NELL1: variants seen among roughly 807,000 people sequenced by gnomAD.
NELL1 encodes the protein neural EGFL like 1, also known as protein kinase C-binding protein NELL1.
A neutral mutation model predicts 107.4 loss-of-function variants in NELL1; 76 were observed. The observed-to-expected ratio is 0.71, with a 90% CI of 0.59 to 0.86. The LOEUF is 0.86. NELL1 is among the 40% of genes least tolerant of loss of function. The probability of loss-of-function intolerance (pLI) is 0.00; values close to 1 mark genes in which losing one functional copy is unlikely to be tolerated. For missense variants in NELL1, 1,024 were observed against 1,005.5 expected (o/e 1.02, Z -0.25); for synonymous variants, 353 against 341.2 (o/e 1.03, Z -0.38).
At chr11:21,399,086 T>C (rs1296087140) in intron 15 of NELL1, among the ~76,000 whole-genome samples, 2 of 151,844 alleles carry the variant, frequency 1.3e-5, no homozygotes, top group African/African-American at 4.8e-5. Flanking sequence ...TGTAACCCAC[T>C]GTATCTCCAA....
intron 14 of NELL1, among the ~76,000 whole-genome samples, chr11:21,354,106 A>T (rs1435147600): frequency 6.6e-6 from 1 of 152,210 alleles, no homozygotes; most frequent in Non-Finnish European, 1.5e-5. Flanking sequence ...GATAAGTCTT[A>T]CCGCAGTTTC....
In NELL1 at chr11:20,925,819, G is replaced by A. The variant is rs189092891; in HGVS notation, c.760-1489G>A. 1.8e-3 allele frequency among the ~76,000 whole-genome samples: 268 copies of A among 152,260 alleles called. 2 individuals carry two copies. The highest frequency in any genetic ancestry group is 6.2e-3 in the African/African-American group (259 of 41,550). ...GAAATTCCAAAAGCTTGGAGGAAGA[G>A]GATGAAATAAATGACAAAAACAAAG... On this transcript the variant is annotated intron_variant, in intron 7 of 19. Coordinates refer to ENST00000357134, the MANE Select transcript of NELL1 (RefSeq NM_006157.5).
chr11:20,997,251 C>T (rs1381036307), intron 12 of NELL1, among the ~76,000 whole-genome samples: 1 of 152,112 alleles, frequency 6.6e-6, no homozygotes, highest in Non-Finnish European at 1.5e-5. Flanking sequence ...GTTTAAGTTT[C>T]CTATCACCAT....
At chr11:21,420,601 A>T (rs1354086954) in intron 15 of NELL1, among the ~76,000 whole-genome samples, 1 of 152,182 alleles carries the variant, frequency 6.6e-6, no homozygotes, top group African/African-American at 2.4e-5. Flanking sequence ...AGGAACGAAA[A>T]GAGGAAGACG....
chr11:21,459,120 C>T (rs896735657), intron 15 of NELL1, among the ~76,000 whole-genome samples: 5 of 151,858 alleles, frequency 3.3e-5, no homozygotes, highest in Admixed American at 6.6e-5. Flanking sequence ...AGTGGAGCAA[C>T]ATTGGGAAGG....
intron 15 of NELL1, among the ~76,000 whole-genome samples, chr11:21,526,995 C>A (rs1300559464): frequency 2.0e-5 from 3 of 152,154 alleles, no homozygotes; most frequent in African/African-American, 7.2e-5. Flanking sequence ...GAATTTCTTC[C>A]CAGAAAATGG....
chr11:21,116,045 C>A (rs1233615798), intron 13 of NELL1, among the ~76,000 whole-genome samples: 5 of 151,894 alleles, frequency 3.3e-5, no homozygotes, highest in Non-Finnish European at 7.4e-5. Flanking sequence ...TACATTTATT[C>A]AGCTCACATA....
intron 14 of NELL1, among the ~76,000 whole-genome samples, chr11:21,355,273 A>G (rs1850906562): frequency 6.6e-6 from 1 of 152,180 alleles, no homozygotes; most frequent in South Asian, 2.1e-4. Flanking sequence ...CAGACTGCAA[A>G]GAGTTTTTGA....
chr11:21,069,653 T>C (rs1246756603), intron 12 of NELL1, among the ~76,000 whole-genome samples: 1 of 152,248 alleles, frequency 6.6e-6, no homozygotes, highest in African/African-American at 2.4e-5. Context: ...TATTTAAAAT[T>C]ATGTTTAAAA....
At chr11:21,439,445 C>G (rs1853220736) in intron 15 of NELL1, among the ~76,000 whole-genome samples, 1 of 152,128 alleles carries the variant, frequency 6.6e-6, no homozygotes, top group African/African-American at 2.4e-5. Context: ...AATCTCGGAT[C>G]ACTGACTGGA....
intron 13 of NELL1, among the ~76,000 whole-genome samples, chr11:21,228,390 T>A (rs1324511923): frequency 6.6e-6 from 1 of 152,128 alleles, no homozygotes; most frequent in Admixed American, 6.5e-5. Flanking sequence ...TATCACTACA[T>A]GGCAGGCAGA....
intron 3 of NELL1, among the ~76,000 whole-genome samples, chr11:20,796,751 A>T (rs1857176498): frequency 6.6e-6 from 1 of 152,244 alleles, no homozygotes; most frequent in South Asian, 2.1e-4. Context: ...ATTGTGAGAC[A>T]TACAAGAGTG....
At chr11:20,758,822 T>C (rs967392943) in intron 2 of NELL1, among the ~76,000 whole-genome samples, 65 of 152,230 alleles carry the variant, frequency 4.3e-4, no homozygotes, top group African/African-American at 1.6e-3. Context: ...AGATGTCCCC[T>C]GGGGGCAAAA....
chr11:21,496,968 A>G (rs1166854355), intron 15 of NELL1, among the ~76,000 whole-genome samples: 1 of 151,876 alleles, frequency 6.6e-6, no homozygotes. Context: ...ATCATTTTTT[A>G]TGGCTGCATA....
chr11:21,444,877 T>C (rs1853380487), intron 15 of NELL1, among the ~76,000 whole-genome samples: 1 of 152,180 alleles, frequency 6.6e-6, no homozygotes, highest in Non-Finnish European at 1.5e-5. Flanking sequence ...TTTTAGTGTA[T>C]GTGATTTTCT....
At chr11:20,825,839 G>T (rs1857869716) in intron 3 of NELL1, among the ~76,000 whole-genome samples, 1 of 151,188 alleles carries the variant, frequency 6.6e-6, no homozygotes, top group South Asian at 2.1e-4. Flanking sequence ...TCAAACCTGG[G>T]AGGGGCCAGG....
intron 15 of NELL1, among the ~76,000 whole-genome samples, chr11:21,426,306 C>G (rs1032572850): frequency 2.0e-5 from 3 of 152,184 alleles, no homozygotes; most frequent in Admixed American, 1.3e-4. Flanking sequence ...TTCTGTGTCT[C>G]ATTCATCATT....
intron 15 of NELL1, among the ~76,000 whole-genome samples, chr11:21,383,266 A>T (rs570394172): frequency 0.013 from 1,142 of 90,244 alleles, 15 homozygotes; most frequent in African/African-American, 0.044. Flanking sequence ...GATAAGCAGT[A>T]TTCGGTTTTT....
At chr11:21,360,219 A>G in intron 14 of NELL1, among the ~76,000 whole-genome samples, 1 of 152,088 alleles carries the variant, frequency 6.6e-6, no homozygotes, top group East Asian at 1.9e-4. Context: ...AAAAAAATTT[A>G]AATTTCCATC....
Sources: gnomAD v4.1 joint callset for allele counts (sites outside exome capture counted in the v4.1 genomes callset) on GRCh38, gnomAD v4.1.1 for gene constraint, MANE v1.5 for transcripts, NCBI Gene and HGNC (gene_info 2026-07-23, HGNC 2026-07-21) for gene names.